Variants in FAR1 observed in about 807,000 individuals in gnomAD.
FAR1 encodes the protein male sterility domain-containing protein 2.
FAR1 carries 22 observed loss-of-function variants against 61.1 expected under a neutral mutation model. That is an observed-to-expected ratio of 0.36 (90% CI 0.26 to 0.51). The LOEUF is 0.51. Ranked by LOEUF, FAR1 falls within the 20% of genes least tolerant of loss-of-function variation. The pLI is 0.95. For missense variants in FAR1, 359 were observed against 626.9 expected, an observed-to-expected ratio of 0.57 and a Z score of 4.56; for synonymous variants, 206 against 209.7, an observed-to-expected ratio of 0.98 and a Z score of 0.15.
At chr11:13,722,095 T>C (rs976127027) in intron 10 of FAR1, among the ~76,000 whole-genome samples, 8 of 152,202 alleles carry the variant, frequency 5.3e-5, no homozygotes, top group Non-Finnish European at 1.0e-4. Context: ...GATTGAAATG[T>C]TGATTCTTTT....
intron 10 of FAR1, among the ~76,000 whole-genome samples, chr11:13,724,686 T>C (rs1381160842): frequency 1.3e-5 from 2 of 152,138 alleles, no homozygotes; most frequent in Non-Finnish European, 2.9e-5. Context: ...TAACCTAACA[T>C]ATAATCAAAA....
At chr11:13,711,186 A>AC (rs894358764) in intron 5 of FAR1, 1 of 322,984 alleles carries the variant, frequency 3.1e-6, no homozygotes, top group African/African-American at 2.2e-5. Context: ...CAGGAGGTAG[A>AC]CCCCTTCCTC....
Position 13,728,823 on chromosome 11 carries a change from G to A in FAR1, c.*49G>A, listed in dbSNP as rs973655724. On this transcript the variant is annotated 3_prime_UTR_variant, in exon 12 of 12. Coordinates refer to ENST00000354817, the MANE Select transcript of FAR1 (RefSeq NM_032228.6). ...CATCTATACATATGGTGATCTAAATGTACAAAATGTAAAATGTATAAGTCA... is the reference window on the plus strand; with the variant it reads ...CATCTATACATATGGTGATCTAAATATACAAAATGTAAAATGTATAAGTCA... 4 of 1,515,430 alleles carry A rather than the reference G, an allele frequency of 2.6e-6. No homozygotes were observed. The highest frequency in any genetic ancestry group is 1.8e-5 in the Admixed American group (1 of 54,176). The allele number at this position is 1,515,430 out of a possible 1,614,324, so 93.9% of individuals were successfully genotyped here. A position where few individuals can be genotyped will look rare whatever the true frequency, so the allele number is the denominator to read the frequency against.
At chr11:13,708,131 A>G (rs1208147110) in intron 4 of FAR1, 52 bp downstream of exon 4, 2 of 1,322,380 alleles carry the variant, frequency 1.5e-6, no homozygotes, top group South Asian at 3.4e-5. Context: ...AAAGAGGCCA[A>G]GGCGGGCGGA....
At chr11:13,674,945 A>G (rs1440029490) in intron 1 of FAR1, among the ~76,000 whole-genome samples, 1 of 152,198 alleles carries the variant, frequency 6.6e-6, no homozygotes, top group African/African-American at 2.4e-5. Context: ...GAAAATTGAC[A>G]GCAATAATAC....
At chr11:13,714,449 T>A (rs1481095642) in intron 8 of FAR1, 60 bp from the exon 9 acceptor site, 3 of 1,475,828 alleles carry the variant, frequency 2.0e-6, no homozygotes, top group Non-Finnish European at 2.7e-6. Flanking sequence ...ATGATTTTTT[T>A]TTTTCAAAAC....
chr11:13,670,879 C>G (rs918566487), intron 1 of FAR1, among the ~76,000 whole-genome samples: 3 of 152,038 alleles, frequency 2.0e-5, no homozygotes, highest in Non-Finnish European at 2.9e-5. Context: ...TACCATATTT[C>G]CAGTGTATTT....
At chr11:13,700,779 C>G (rs1288074197) in intron 3 of FAR1, among the ~76,000 whole-genome samples, 1 of 152,054 alleles carries the variant, frequency 6.6e-6, no homozygotes, top group African/African-American at 2.4e-5. Context: ...GTCTTAACAA[C>G]TAATAGTGTT....
At position 13,700,454 on chromosome 11, in the gene FAR1, C is replaced by T; in HGVS notation, c.327C>T (p.Phe109=). 1 of 1,572,638 alleles carries T rather than the reference C, an allele frequency of 6.4e-7. No individual in the cohort carries two copies. Among genetic ancestry groups the T allele is most frequent in the Non-Finnish European group, 8.6e-7 (1 of 1,164,664 alleles). Residue 109 remains phenylalanine (F), a synonymous_variant, in exon 3 of 12, where the codon TTC becomes TTT. Transcript: ENST00000354817. ...EVIIDSTNII[F]HCAATVRFNE... ...TCATAGATTCTACCAATATTATATT[C>T]CACTGTGCAGCTACAGTAAGGTTTA...
At chr11:13,711,055 G>T (rs1293621344) in intron 5 of FAR1, 185 bp downstream of exon 5, 2 of 552,462 alleles carry the variant, frequency 3.6e-6, no homozygotes, top group Non-Finnish European at 6.2e-6. Flanking sequence ...ATGTGACGCT[G>T]GGTATATAGA....
intron 1 of FAR1, among the ~76,000 whole-genome samples, chr11:13,690,849 T>C (rs1848241723): frequency 6.6e-6 from 1 of 152,254 alleles, no homozygotes; most frequent in Admixed American, 6.5e-5. Context: ...ATATAGTATA[T>C]GTCTCCACTT....
At chr11:13,725,968 T>C (rs1242317600) in intron 10 of FAR1, among the ~76,000 whole-genome samples, 1 of 152,022 alleles carries the variant, frequency 6.6e-6, no homozygotes, top group Non-Finnish European at 1.5e-5. Flanking sequence ...TAATTTAATA[T>C]TTTCCCATCT....
intron 4 of FAR1, among the ~76,000 whole-genome samples, chr11:13,708,447 G>GCGCGCACACACACA (rs139902063): frequency 3.4e-3 from 469 of 136,698 alleles, no homozygotes; most frequent in Non-Finnish European, 4.7e-3. Context: ...GCGCGCGCGC[G>GCGCGCACACACACA]CACACACACA....
intron 10 of FAR1, among the ~76,000 whole-genome samples, chr11:13,726,727 CTT>C (rs896994096): frequency 9.2e-5 from 13 of 141,592 alleles, no homozygotes; most frequent in Non-Finnish European, 1.6e-4. Context: ...GCTTCTCTTC[CTT>C]TTTTTTTTTT....
chr11:13,708,411 C>A (rs1256250724), intron 4 of FAR1, among the ~76,000 whole-genome samples: 2 of 148,744 alleles, frequency 1.3e-5, no homozygotes, highest in African/African-American at 5.0e-5. Context: ...TCCCTCTTCT[C>A]CTCACCCCAC....
At chr11:13,681,614 G>A (rs1243968594) in intron 1 of FAR1, among the ~76,000 whole-genome samples, 10 of 152,170 alleles carry the variant, frequency 6.6e-5, no homozygotes, top group Admixed American at 6.5e-4. Context: ...TAGCAGCTTT[G>A]TAAGTATCTG....
intron 1 of FAR1, among the ~76,000 whole-genome samples, chr11:13,686,258 C>A (rs761875328): frequency 9.2e-5 from 14 of 152,154 alleles, no homozygotes; most frequent in Non-Finnish European, 1.5e-4. Flanking sequence ...CTTCCCTTAA[C>A]TATGTATTTT....
chr11:13,720,095 CT>C (rs1848594719), intron 9 of FAR1: 1 of 152,074 alleles, frequency 6.6e-6, no homozygotes, highest in South Asian at 2.1e-4. Context: ...AATATATGGC[CT>C]TTCAAATTTC....
chr11:13,700,182 G>A (rs1848354114), intron 2 of FAR1, 135 bp from the exon 3 acceptor site: 2 of 629,760 alleles, frequency 3.2e-6, no homozygotes, highest in Admixed American at 3.7e-5. Flanking sequence ...TGGCAATTAA[G>A]AATAGCAACT....
Sources: allele counts gnomAD v4.1 joint callset (sites outside exome capture counted in the v4.1 genomes callset), GRCh38; gene constraint gnomAD v4.1.1; transcripts MANE v1.5; gene names NCBI Gene and HGNC (gene_info 2026-07-23, HGNC 2026-07-21).